The following PRKCA variants were observed in gnomAD, a reference collection of about 807,000 sequenced individuals.
PRKCA encodes protein kinase C alpha, also known as protein kinase C alpha type.
Under a neutral mutation model 87.0 loss-of-function variants are expected in PRKCA, and 27 were observed. The ratio of observed to expected loss-of-function variants is 0.31; its 90% CI spans 0.23 to 0.43. The LOEUF is 0.43. Ranked by LOEUF, PRKCA falls within the 20% of genes least tolerant of loss-of-function variation. The pLI is 1.00. For missense variants in PRKCA, 518 were observed against 852.3 expected (o/e 0.61, Z 4.88); for synonymous variants, 329 against 311.1 (o/e 1.06, Z -0.61).
chr17:66,395,924 TTCAC>T (rs1910637517), intron 2 of PRKCA, among the ~76,000 whole-genome samples: 1 of 152,144 alleles, frequency 6.6e-6, no homozygotes, highest in Non-Finnish European at 1.5e-5. Context: ...TTCCTTCTTT[TTCAC>T]TCTTTCCTTA....
chr17:66,401,775 A>G (rs1473704045), intron 2 of PRKCA, among the ~76,000 whole-genome samples: 1 of 152,222 alleles, frequency 6.6e-6, no homozygotes, highest in Non-Finnish European at 1.5e-5. Flanking sequence ...GATAACCCAC[A>G]GATTTCTGGC....
chr17:66,357,684 G>T (rs917822723), intron 2 of PRKCA, among the ~76,000 whole-genome samples: 1 of 152,186 alleles, frequency 6.6e-6, no homozygotes, highest in Non-Finnish European at 1.5e-5. Context: ...AGGAGTTTGT[G>T]CTTATTAAAT....
chr17:66,765,434 A>ATATATATC (rs1568020974), intron 13 of PRKCA, among the ~76,000 whole-genome samples: 7 of 132,140 alleles, frequency 5.3e-5, no homozygotes, highest in Non-Finnish European at 9.7e-5. Context: ...ATATATATAT[A>ATATATATC]TATATATATA....
At chr17:66,399,100 C>CTTTTT (rs143646957) in intron 2 of PRKCA, among the ~76,000 whole-genome samples, 2 of 117,290 alleles carry the variant, frequency 1.7e-5, no homozygotes, top group Non-Finnish European at 1.8e-5. Flanking sequence ...CTTTTCTTTT[C>CTTTTT]TTTTTTTTTT....
At chr17:66,667,436 CGGCAGCAAGGAGA>C (rs1490297135) in intron 5 of PRKCA, among the ~76,000 whole-genome samples, 1 of 152,152 alleles carries the variant, frequency 6.6e-6, no homozygotes, top group East Asian at 1.9e-4. Flanking sequence ...CTTCACATGG[CGGCAGCAAGGAGA>C]AGTGCAGAGT....
intron 2 of PRKCA, among the ~76,000 whole-genome samples, chr17:66,432,846 C>T (rs1342153552): frequency 6.6e-6 from 1 of 152,156 alleles, no homozygotes; most frequent in African/African-American, 2.4e-5. Context: ...TGCAGTCAGC[C>T]TATTGTGTAT....
intron 5 of PRKCA, among the ~76,000 whole-genome samples, chr17:66,675,264 T>C (rs1234015561): frequency 6.6e-6 from 1 of 152,126 alleles, no homozygotes; most frequent in African/African-American, 2.4e-5. Flanking sequence ...TCCCTTGGGC[T>C]TCTCTTATAA....
intron 2 of PRKCA, among the ~76,000 whole-genome samples, chr17:66,456,134 A>G (rs1914567308): frequency 6.6e-6 from 1 of 151,994 alleles, no homozygotes; most frequent in Non-Finnish European, 1.5e-5. Context: ...GCCACCAGGA[A>G]CTAGGAGTGA....
chr17:66,728,726 A>G (rs775178710), intron 8 of PRKCA, among the ~76,000 whole-genome samples: 5 of 152,206 alleles, frequency 3.3e-5, no homozygotes, highest in African/African-American at 7.2e-5. Context: ...CCCCCTGCCT[A>G]TCTGGAGGCT....
At chr17:66,514,169 T>C (rs1966887329) in intron 3 of PRKCA, among the ~76,000 whole-genome samples, 1 of 152,206 alleles carries the variant, frequency 6.6e-6, no homozygotes, top group Admixed American at 6.5e-5. Flanking sequence ...TATGTACATA[T>C]AGGAAAAACA....
chr17:66,634,953 T>C (rs1331485039), intron 3 of PRKCA, among the ~76,000 whole-genome samples: 1 of 152,084 alleles, frequency 6.6e-6, no homozygotes, highest in African/African-American at 2.4e-5. Context: ...TGGCAGAATA[T>C]GTTAAGTGGC....
intron 3 of PRKCA, among the ~76,000 whole-genome samples, chr17:66,617,249 T>C (rs985627968): frequency 3.9e-5 from 6 of 152,172 alleles, no homozygotes; most frequent in African/African-American, 1.4e-4. Context: ...TCTTTTGACC[T>C]ACCTCGGTAT....
intron 3 of PRKCA, among the ~76,000 whole-genome samples, chr17:66,563,960 TTCCTTCCTTCCTTCC>T (rs1968795737): frequency 1.8e-5 from 1 of 55,244 alleles, no homozygotes. Context: ...CTTTCCTTCC[TTCCTTCCTTCCTTCC>T]TTCCTTCCTT....
chr17:66,464,289 T>C (rs1914988282), intron 2 of PRKCA, among the ~76,000 whole-genome samples: 1 of 152,214 alleles, frequency 6.6e-6, no homozygotes, highest in Non-Finnish European at 1.5e-5. Context: ...GAAGGGCGTC[T>C]GGGTTGCTTT....
chr17:66,422,150 A>G (rs895088021), intron 2 of PRKCA, among the ~76,000 whole-genome samples: 1 of 152,078 alleles, frequency 6.6e-6, no homozygotes. Flanking sequence ...TAATGACCTC[A>G]TATAACCCTC....
chr17:66,534,643 G>T (rs975926340), intron 3 of PRKCA, among the ~76,000 whole-genome samples: 1 of 152,034 alleles, frequency 6.6e-6, no homozygotes, highest in African/African-American at 2.4e-5. Flanking sequence ...CTCCAGCCTG[G>T]GTGACAGAGC....
At chr17:66,362,460 C>T (rs1374703710) in intron 2 of PRKCA, among the ~76,000 whole-genome samples, 1 of 152,164 alleles carries the variant, frequency 6.6e-6, no homozygotes, top group Non-Finnish European at 1.5e-5. Flanking sequence ...GTCCTCTGCT[C>T]AATTGTCCCA....
chr17:66,712,115 C>T (rs1973345617), intron 8 of PRKCA, among the ~76,000 whole-genome samples: 1 of 152,274 alleles, frequency 6.6e-6, no homozygotes. Context: ...CACCTGAATA[C>T]ACTGAGCCTC....
intron 16 of PRKCA, among the ~76,000 whole-genome samples, chr17:66,793,172 CCTCTG>C (rs887797645): frequency 1.5e-4 from 23 of 152,174 alleles, no homozygotes; most frequent in Admixed American, 1.5e-3. Context: ...TGTGAAGCAT[CCTCTG>C]CTCCCCGGAC....
Sources: gnomAD v4.1 joint callset for allele counts (sites outside exome capture counted in the v4.1 genomes callset) on GRCh38, gnomAD v4.1.1 for gene constraint, MANE v1.5 for transcripts, NCBI Gene and HGNC (gene_info 2026-07-23, HGNC 2026-07-21) for gene names.